GRID2IP: variants seen among roughly 807,000 people sequenced by gnomAD.
GRID2IP encodes Grid2 interacting protein, also known as delphilin.
GRID2IP carries 78 observed loss-of-function variants against 114.3 expected under a neutral mutation model. The observed-to-expected ratio is 0.68, with a 90% CI of 0.57 to 0.82. The LOEUF (loss-of-function observed/expected upper bound fraction) is 0.82, where lower values mean the gene tolerates loss of function less well. Ranked by LOEUF, GRID2IP falls within the 40% of genes least tolerant of loss-of-function variation. The pLI is 0.00. For missense variants in GRID2IP, 1,727 were observed against 1,678.5 expected, an observed-to-expected ratio of 1.03 and a Z score of -0.51; for synonymous variants, 809 against 724.0, an observed-to-expected ratio of 1.12 and a Z score of -1.89.
rs796457946 is a variant in GRID2IP at position 6,524,722 on chromosome 7, GT to G, written c.919+1501del. Among the ~76,000 whole-genome samples, 385 of 151,102 alleles carry G rather than the reference GT, an allele frequency of 2.5e-3. 1 individual carries two copies. The highest frequency in any genetic ancestry group is 8.8e-3 in the African/African-American group (365 of 41,386). ...GTGACAGAGGGAGACCTCATCTCTC[GT>G]TTGTTTTTTTTGAGATGGAGTCTCA... On this transcript the variant is annotated intron_variant, in intron 4 of 21. Transcript: ENST00000457091.
Position 6,551,286 on chromosome 7 carries a change from C to T in GRID2IP, c.151G>A (p.Glu51Lys), listed in dbSNP as rs1439565614. 6.5e-7 allele frequency: 1 copy of T among 1,541,264 alleles called. No homozygotes were observed. Among genetic ancestry groups the T allele is most frequent in the Non-Finnish European group, 8.7e-7 (1 of 1,146,440 alleles). ...CCGCCCACCGCCAGCCCCTCCACCTCCAGGATCTGGTCTCCTGGCCGCAGT... is the reference window on the plus strand; with the variant it reads ...CCGCCCACCGCCAGCCCCTCCACCTTCAGGATCTGGTCTCCTGGCCGCAGT... ...GGLRPGDQIL[E>K]VEGLAVGGLS... Residue 51 changes from glutamate to lysine, a missense_variant, in exon 1 of 22, where the codon GAG (glutamate) becomes AAG (lysine). By Grantham distance (56) the Glu-to-Lys change is moderately conservative. Transcript: ENST00000457091.
rs141957889 is a variant in GRID2IP at position 6,516,696 on chromosome 7, G to C, written c.1269-2167C>G. ...GCTGTGCTTCAGTGGTCACGCTCCT[G>C]GTCCGCATTCATGTTCTGCCCTGTG... On this transcript the variant is annotated intron_variant, in intron 7 of 21. Coordinates refer to ENST00000457091, the MANE Select transcript of GRID2IP (RefSeq NM_001145118.2). The surrounding 1 kb of genome is among the most constrained non-coding windows in gnomAD (Gnocchi z 4.3). Among the ~76,000 whole-genome samples the C allele has an allele frequency of 6.6e-6, 1 of 152,180 alleles. No homozygotes were observed. The highest frequency in any genetic ancestry group is 6.6e-5 in the Admixed American group (1 of 15,260).
chr7:6,547,764 A>T (rs1347427669), intron 1 of GRID2IP, among the ~76,000 whole-genome samples: 1 of 152,132 alleles, frequency 6.6e-6, no homozygotes, highest in Non-Finnish European at 1.5e-5. Context: ...GCTAGGGTAC[A>T]TGATGGAGGA....
In GRID2IP at chr7:6,520,809, G is replaced by A. The variant is rs1221208405; in HGVS notation, c.1085-48C>T. On this transcript the variant is annotated intron_variant, in intron 6 of 21. Coordinates refer to ENST00000457091, the MANE Select transcript of GRID2IP (RefSeq NM_001145118.2). This position sits in a 1 kb window ranked among gnomAD's most constrained non-coding sequence, Gnocchi z 4.6. The stretch of plus-strand genomic sequence containing the variant: ...AGGCATGAGTGACTCAGAGTCCCCA[G>A]GCCAGGTGTAGTCTCCCTGGCTTTT... The A allele has an allele frequency of 2.2e-5, 33 of 1,512,718 alleles. No homozygotes were observed. Among genetic ancestry groups the A allele is most frequent in the Non-Finnish European group, 2.9e-5 (32 of 1,119,492 alleles). The allele number at this position is 1,512,718 out of a possible 1,614,324, so 93.7% of individuals were successfully genotyped here.
chr7:6,526,345 G>A lies in GRID2IP; in HGVS notation c.834-36C>T. 6.5e-7 allele frequency: 1 copy of A among 1,539,530 alleles called. No homozygotes were observed. The highest frequency in any genetic ancestry group is 8.8e-7 in the Non-Finnish European group (1 of 1,136,406). ...AAGAAGGGGCGAGCAGCATGATGGA[G>A]AGGGGGCCCTGGGGCGCAGAGGTTG... On this transcript the variant is annotated intron_variant, in intron 3 of 21. Coordinates refer to ENST00000457091, the MANE Select transcript of GRID2IP (RefSeq NM_001145118.2). This position sits in a 1 kb window ranked among gnomAD's most constrained non-coding sequence, Gnocchi z 7.6.
Position 6,526,399 on chromosome 7 carries a change from C to A in GRID2IP, c.834-90G>T. The A allele has an allele frequency of 6.6e-7, 1 of 1,510,728 alleles. No homozygotes were observed. The allele number at this position is 1,510,728 out of a possible 1,614,324, so 93.6% of individuals were successfully genotyped here. ...ATGTCCCGTGTCCCTCTCCCCTTAA[C>A]CTCTCCGGCCCCCTATGCACCCCAG... is the stretch of plus-strand genomic sequence containing the variant. On this transcript the variant is annotated intron_variant, in intron 3 of 21. Coordinates refer to ENST00000457091, the MANE Select transcript of GRID2IP (RefSeq NM_001145118.2). This position sits in a 1 kb window ranked among gnomAD's most constrained non-coding sequence, Gnocchi z 7.6.
chr7:6,509,413 C>T lies in GRID2IP; in HGVS notation c.1772-100G>A, dbSNP rs903575177. ...CCTAGGACAGACTGGCTCTGTGTCC[C>T]AGGCCACTCTCCTTTCCCTCTCTGG... On this transcript the variant is annotated intron_variant, in intron 11 of 21. Transcript: ENST00000457091. This position sits in a 1 kb window ranked among gnomAD's most constrained non-coding sequence, Gnocchi z 4.9. 1.4e-4 allele frequency: 150 copies of T among 1,077,340 alleles called. No individual in the cohort carries two copies. The highest frequency in any genetic ancestry group is 1.7e-4 in the Non-Finnish European group (134 of 785,336). 66.7% of individuals were successfully genotyped at this position (1,077,340 alleles called of 1,614,324 possible). A position where few individuals can be genotyped will look rare whatever the true frequency, so the allele number is the denominator to read the frequency against.
In GRID2IP at chr7:6,498,066, C is replaced by T. The variant is rs1214271962; in HGVS notation, c.3562G>A (p.Glu1188Lys). 4.5e-6 allele frequency: 7 copies of T among 1,546,546 alleles called. No individual in the cohort carries two copies. In the Admixed American group the frequency reaches 8.1e-5, roughly 18 times the overall value. The change falls in exon 21 of 22, where the codon GAG (glutamate) becomes AAG (lysine). Residue 1188 changes from glutamate to lysine, a missense_variant and splice_region_variant. By Grantham distance (56) the Glu-to-Lys change is moderately conservative. Coordinates refer to ENST00000457091, the MANE Select transcript of GRID2IP (RefSeq NM_001145118.2). ...CTCAGGGCTCCAGCGAGGCTCACCT[C>T]GAATTTGCTCATGAACTCTGCAAAG... ...GIFAEFMSKF[E>K]RALSDLQAGE... is the part of the protein sequence containing the mutation.
chr7:6,535,672 C>T (rs1292276975), intron 2 of GRID2IP, among the ~76,000 whole-genome samples: 2 of 152,278 alleles, frequency 1.3e-5, no homozygotes, highest in South Asian at 2.1e-4. Flanking sequence ...ACCTGGGCAA[C>T]ATAGTGAGAC....
At position 6,516,583 on chromosome 7, in the gene GRID2IP, C is replaced by G. The variant is rs921076892; in HGVS notation, c.1269-2054G>C. On this transcript the variant is annotated intron_variant, in intron 7 of 21. Transcript: ENST00000457091. The surrounding 1 kb of genome is among the most constrained non-coding windows in gnomAD (Gnocchi z 4.3). ...CTTAGCAGACCGGGAAAGGGAGTCT[C>G]CCTTTCCTGGTGGAGTTAAAGAAGA... 1.3e-4 allele frequency among the ~76,000 whole-genome samples: 19 copies of G among 151,918 alleles called. No individual in the cohort carries two copies. The highest frequency in any genetic ancestry group is 4.4e-5 in the Non-Finnish European group (3 of 67,992).
At chr7:6,544,753 C>A (rs1779861680) in intron 1 of GRID2IP, among the ~76,000 whole-genome samples, 1 of 151,992 alleles carries the variant, frequency 6.6e-6, no homozygotes, top group African/African-American at 2.4e-5. Flanking sequence ...GAGTTGGAGA[C>A]CAGCCTGGGC....
At chr7:6,513,973 G>C (rs1056334549) in intron 8 of GRID2IP, among the ~76,000 whole-genome samples, 1 of 140,154 alleles carries the variant, frequency 7.1e-6, no homozygotes, top group South Asian at 2.2e-4. Flanking sequence ...AAAAAAAAAG[G>C]CTGGGCGTGG....
rs1376873645 is a variant in GRID2IP at position 6,502,869 on chromosome 7, C to T, written c.3067G>A (p.Val1023Met). The change falls in exon 18 of 22, where the codon GTG becomes ATG. Residue 1023 changes from valine (V) to methionine (M), a missense_variant. Physicochemically the swap from Val to Met is conservative, Grantham distance 21. Coordinates refer to ENST00000457091, the MANE Select transcript of GRID2IP (RefSeq NM_001145118.2). ...SRKLAKILEF[V>M]LAMGNYLNDG... ...TTGAGATAGTTGCCCATGGCCAACA[C>T]AAACTGTGGACAAGAAGGTGGGTAG... 1.9e-6 allele frequency: 3 copies of T among 1,551,584 alleles called. No individual in the cohort carries two copies. Among genetic ancestry groups the T allele is most frequent in the African/African-American group, 1.4e-5 (1 of 73,048 alleles).
intron 18 of GRID2IP, among the ~76,000 whole-genome samples, chr7:6,502,577 TG>T (rs200365417): frequency 0.017 from 2,544 of 151,992 alleles, 81 homozygotes; most frequent in African/African-American, 0.058. Flanking sequence ...TTCCAGATCC[TG>T]GGAGTGTGTT....
rs376923449 is a variant in GRID2IP, at chr7:6,501,890, C to T, written c.3290G>A (p.Arg1097Gln). Residue 1097 changes from arginine (R) to glutamine (Q), a missense_variant, in exon 20 of 22, where the codon CGG (arginine) becomes CAG (glutamine). Arg to Gln is a conservative substitution (Grantham distance 43, BLOSUM62 1). Transcript: ENST00000457091. Reference protein sequence around the residue: ...TVPLAAKVNQRALTSDLADLH... With the variant: ...TVPLAAKVNQQALTSDLADLH... ...GTCAGCCAGGTCACTGGTCAGGGCC[C>T]GTTGGTTCACTGTAGGGAAGAGGAC... 16 of 1,551,494 alleles carry T rather than the reference C, an allele frequency of 1.0e-5. No individual in the cohort carries two copies. The highest frequency in any genetic ancestry group is 9.5e-5 in the South Asian group (8 of 84,062).
At chr7:6,546,569 CAAA>C (rs775701238) in intron 1 of GRID2IP, among the ~76,000 whole-genome samples, 5 of 122,284 alleles carry the variant, frequency 4.1e-5, no homozygotes, top group Non-Finnish European at 8.4e-5. Context: ...AACTCTGTCT[CAAA>C]AAAAAAAAAA....
intron 8 of GRID2IP, among the ~76,000 whole-genome samples, chr7:6,512,539 C>T (rs1204020829): frequency 6.6e-6 from 1 of 151,540 alleles, no homozygotes; most frequent in Non-Finnish European, 1.5e-5. Context: ...GAGATGGAGT[C>T]TCACCGTGTT....
intron 20 of GRID2IP, among the ~76,000 whole-genome samples, 157 bp downstream of exon 20, chr7:6,501,624 G>C (rs1012080288): frequency 2.0e-5 from 3 of 152,298 alleles, no homozygotes; most frequent in African/African-American, 7.2e-5. Flanking sequence ...CAACAACCCA[G>C]GATAGAGCCT....
intron 2 of GRID2IP, chr7:6,530,960 A>AAGCCCCTCCACGCTCC: frequency 1.8e-6 from 1 of 542,242 alleles, no homozygotes; most frequent in South Asian, 2.2e-5. Context: ...CAGGGCAGGG[A>AAGCCCCTCCACGCTCC]AGCCCCTCCA....
Sources: gnomAD v4.1 joint callset for allele counts (sites outside exome capture counted in the v4.1 genomes callset) on GRCh38, gnomAD v4.1.1 for gene constraint, Gnocchi (gnomAD v3.1) non-coding constraint, MANE v1.5 for transcripts, NCBI Gene and HGNC (gene_info 2026-07-23, HGNC 2026-07-21) for gene names.